Variants in TAP2 observed in about 807,000 individuals in gnomAD.
TAP2 encodes antigen peptide transporter 2.
A neutral mutation model predicts 74.7 loss-of-function variants in TAP2; 49 were observed. That is an observed-to-expected ratio of 0.66 (90% CI 0.52 to 0.83). TAP2 has a LOEUF of 0.83. Among genes scored for constraint, TAP2 ranks in the 40% least tolerant of loss-of-function variants. TAP2 has a pLI of 0.00. For synonymous variants in TAP2, 306 were observed against 368.4 expected (o/e 0.83, Z 1.94); for missense variants, 739 against 859.0 (o/e 0.86, Z 1.75).
At chr6:32,829,248 C>A in intron 11 of TAP2, 152 bp downstream of exon 11, 1 of 1,436,964 alleles carries the variant, frequency 7.0e-7, no homozygotes, top group South Asian at 1.3e-5. Flanking sequence ...GCTGCCCTCA[C>A]ACCACCGGAT....
chr6:32,835,790 T>C lies in TAP2; in HGVS notation c.609-17A>G. 3 of 1,612,354 alleles carry C rather than the reference T, an allele frequency of 1.9e-6. No homozygotes were observed. In the South Asian group the frequency reaches 3.3e-5, roughly 18 times the overall value. ...GACAGTGAGCTGTGGGGTAGGAGAA[T>C]AAGAGGGGAGGGAGATGCAGAGAAG... On this transcript the variant is annotated splice_polypyrimidine_tract_variant and intron_variant, in intron 3 of 11. Transcript: ENST00000374897. The surrounding 1 kb of genome is among the most constrained non-coding windows in gnomAD (Gnocchi z 4.0).
In TAP2 at chr6:32,827,583, G is replaced by T; in HGVS notation, c.*1323C>A. ...GCCTCCTGGAAGACCTGAACCCTGAGTTAAGTCTTGAACTTGAAAATCAGG... is the reference window on the plus strand; with the variant it reads ...GCCTCCTGGAAGACCTGAACCCTGATTTAAGTCTTGAACTTGAAAATCAGG... On this transcript the variant is annotated 3_prime_UTR_variant, in exon 12 of 12. Transcript: ENST00000374897. The T allele has an allele frequency of 2.3e-6, 1 of 427,210 alleles. No individual in the cohort carries two copies. Among genetic ancestry groups the T allele is most frequent in the Non-Finnish European group, 3.1e-6 (1 of 320,832 alleles). The allele number at this position is 427,210 out of a possible 1,614,324, so 26.5% of individuals were successfully genotyped here.
chr6:32,837,624 C>A lies in TAP2; in HGVS notation c.521G>T (p.Gly174Val). Residue 174 changes from glycine to valine, a missense_variant, in exon 3 of 12, where the codon GGT (glycine) becomes GTT (valine). By Grantham distance (109) the Gly-to-Val change is moderately radical. Coordinates refer to ENST00000374897, the MANE Select transcript of TAP2 (RefSeq NM_001290043.2). The part of the protein sequence containing the change: ...LGETLIPHYS[G>V]RVIDILGGDF... ...ACCTCCCAGGATGTCAATCACACGA[C>A]CAGAATAGTGAGGGATTAATGTCTC... 6.2e-7 allele frequency: 1 copy of A among 1,614,038 alleles called. No individual in the cohort carries two copies. The highest frequency in any genetic ancestry group is 8.5e-7 in the Non-Finnish European group (1 of 1,179,990).
At chr6:32,822,265 T>C, downstream of TAP2, 1 of 1,525,894 alleles carries the variant, frequency 6.6e-7, no homozygotes, top group Non-Finnish European at 9.0e-7. Context: ...GAACTCATTA[T>C]TCCCAGGAAA....
chr6:32,832,473 GAAGA>G lies in TAP2; in HGVS notation c.1144-16_1144-13del, dbSNP rs200922606. ...CCCAAGTGCAGCACCTGGAAGAGGA[GAAGA>G]AAGAGATGAGGCTGGGAATCTTCCC... On this transcript the variant is annotated splice_polypyrimidine_tract_variant and intron_variant, in intron 6 of 11. Coordinates refer to ENST00000374897, the MANE Select transcript of TAP2 (RefSeq NM_001290043.2). This position sits in a 1 kb window ranked among gnomAD's most constrained non-coding sequence, Gnocchi z 5.9. The G allele has an allele frequency of 3.4e-3, 5,541 of 1,612,142 alleles. 64 individuals carry two copies. Among genetic ancestry groups the G allele is most frequent in the African/African-American group, 0.029 (2,156 of 75,012 alleles).
chr6:32,828,675 G>GCGCCC lies in TAP2; in HGVS notation c.*230_*231insGGGCG. ...GAATTAAGTTTCCTGGACACAGACA[G>GCGCCC]CCCCCACCCCACCCCACCCCACCTC... On this transcript the variant is annotated 3_prime_UTR_variant, in exon 12 of 12. Transcript: ENST00000374897. 7 of 884,280 alleles carry GCGCCC rather than the reference G, an allele frequency of 7.9e-6. No homozygotes were observed. The highest frequency in any genetic ancestry group is 9.8e-5 in the East Asian group (1 of 10,252). 54.8% of individuals were successfully genotyped at this position (884,280 alleles called of 1,614,324 possible). A position where few individuals can be genotyped will look rare whatever the true frequency, so the allele number is the denominator to read the frequency against.
Position 32,832,978 on chromosome 6 carries a change from G to A in TAP2, c.946-154C>T, listed in dbSNP as rs9469282. ...ACTCTTCTTTCCAGAAGGAATAAGA[G>A]TGAAGGAGCAAGGGAACAAAATATT... On this transcript the variant is annotated intron_variant, in intron 5 of 11. Coordinates refer to ENST00000374897, the MANE Select transcript of TAP2 (RefSeq NM_001290043.2). The surrounding 1 kb of genome is among the most constrained non-coding windows in gnomAD (Gnocchi z 5.9). 6.6e-6 allele frequency among the ~76,000 whole-genome samples: 1 copy of A among 152,242 alleles called. No individual in the cohort carries two copies. The highest frequency in any genetic ancestry group is 2.4e-5 in the African/African-American group (1 of 41,460).
At chr6:32,830,940 A>G (rs1192440238) in intron 7 of TAP2, 134 bp from the exon 8 acceptor site, 1 of 859,706 alleles carries the variant, frequency 1.2e-6, no homozygotes. Context: ...CCACTTTTAA[A>G]TGTACAATTT....
Position 32,835,567 on chromosome 6 carries a change from G to A in TAP2, c.739+76C>T. On this transcript the variant is annotated intron_variant, in intron 4 of 11. Coordinates refer to ENST00000374897, the MANE Select transcript of TAP2 (RefSeq NM_001290043.2). The surrounding 1 kb of genome is among the most constrained non-coding windows in gnomAD (Gnocchi z 4.0). ...CCTGGCATACGGGTGAAGGCAGGAG[G>A]AGAGGCTGTGGGTGGAAGGTCACTG... 5 of 1,601,450 alleles carry A rather than the reference G, an allele frequency of 3.1e-6. No homozygotes were observed. In the South Asian group the frequency reaches 3.3e-5, roughly 11 times the overall value.
At chr6:32,834,468 T>C (rs974894847) in intron 5 of TAP2, among the ~76,000 whole-genome samples, 1 of 152,140 alleles carries the variant, frequency 6.6e-6, no homozygotes, top group East Asian at 1.9e-4. Context: ...ACAATGGAGG[T>C]TGCCAGCGGC....
intron 7 of TAP2, among the ~76,000 whole-genome samples, chr6:32,831,110 CG>C (rs966910628): frequency 6.6e-5 from 10 of 152,156 alleles, no homozygotes; most frequent in African/African-American, 2.4e-4. Context: ...CTTGATTAGA[CG>C]GGGAGCTCCT....
Position 32,826,419 on chromosome 6 carries a change from A to G in TAP2, c.*2487T>C. On this transcript the variant is annotated 3_prime_UTR_variant, in exon 12 of 12. Coordinates refer to ENST00000374897, the MANE Select transcript of TAP2 (RefSeq NM_001290043.2). ...AGGTAAGCGACAAGAAGGGGAAATT[A>G]CAGGGTAAGGAGATCAATCAAATGG... 1.0e-6 allele frequency: 1 copy of G among 985,290 alleles called. No homozygotes were observed. The highest frequency in any genetic ancestry group is 1.2e-6 in the Non-Finnish European group (1 of 829,936). The allele number at this position is 985,290 out of a possible 1,614,324, so 61.0% of individuals were successfully genotyped here.
Position 32,830,630 on chromosome 6 carries a change from C to T in TAP2, c.1449G>A (p.Arg483=). Residue 483 remains arginine, a synonymous_variant, in exon 8 of 12, where the codon AGG becomes AGA. Transcript: ENST00000374897. ...VSFAYPNRPD[R]PVLKGLTFTL... ...CTCTTTCAGGCACCTTGAGCACAGG[C>T]CTGTCAGGGCGATTGGGATATGCAA... The T allele has an allele frequency of 1.2e-6, 2 of 1,613,052 alleles. No individual in the cohort carries two copies. The highest frequency in any genetic ancestry group is 8.5e-7 in the Non-Finnish European group (1 of 1,180,024).
rs1330405233 is a variant in TAP2, at chr6:32,837,671, T to C, written c.494-20A>G. 3.1e-6 allele frequency: 5 copies of C among 1,613,940 alleles called. No homozygotes were observed. The highest frequency in any genetic ancestry group is 4.2e-6 in the Non-Finnish European group (5 of 1,179,962). ...TCTCACCTGAAAGAGGCATGAAAAATAACACAAGAATGTGCTGGTGCCCAG... is the reference window on the plus strand; with the variant it reads ...TCTCACCTGAAAGAGGCATGAAAAACAACACAAGAATGTGCTGGTGCCCAG... On this transcript the variant is annotated intron_variant, in intron 2 of 11. Coordinates refer to ENST00000374897, the MANE Select transcript of TAP2 (RefSeq NM_001290043.2).
Position 32,826,409 on chromosome 6 carries a change from A to C in TAP2, c.*2497T>G. The C allele has an allele frequency of 1.0e-6, 1 of 985,382 alleles. No individual in the cohort carries two copies. The highest frequency in any genetic ancestry group is 1.2e-6 in the Non-Finnish European group (1 of 829,926). 61.0% of individuals were successfully genotyped at this position (985,382 alleles called of 1,614,324 possible). On this transcript the variant is annotated 3_prime_UTR_variant, in exon 12 of 12. Transcript: ENST00000374897. The stretch of plus-strand genomic sequence containing the variant: ...AAGATACTGCAGGTAAGCGACAAGA[A>C]GGGGAAATTACAGGGTAAGGAGATC...
intron 11 of TAP2, 88 bp from the exon 12 acceptor site, chr6:32,829,122 A>G (rs188873298): frequency 1.6e-4 from 241 of 1,512,584 alleles, no homozygotes; most frequent in Admixed American, 9.9e-4. Context: ...ATTTAGGGTA[A>G]AGAAGGTGTG....
chr6:32,830,231 C>CCT (rs778690042), intron 9 of TAP2, 36 bp downstream of exon 9: 4 of 1,612,786 alleles, frequency 2.5e-6, no homozygotes, highest in Non-Finnish European at 3.4e-6. Context: ...TACATGCTCC[C>CCT]CTCTCCTGTC....
chr6:32,829,760 T>G lies in TAP2; in HGVS notation c.1795+170A>C, dbSNP rs241439. Among the ~76,000 whole-genome samples the G allele has an allele frequency of 0.38, 58,494 of 151,944 alleles. 11,532 individuals carry two copies. Among genetic ancestry groups the G allele is most frequent in the East Asian group, 0.53 (2,750 of 5,150 alleles). ...GCTCTCTGCAAACAAAGACTCTTGA[T>G]CAAGAGGGAGGCTGAAGAATTCAGT... On this transcript the variant is annotated intron_variant, in intron 10 of 11. Coordinates refer to ENST00000374897, the MANE Select transcript of TAP2 (RefSeq NM_001290043.2).
downstream of TAP2, among the ~76,000 whole-genome samples, chr6:32,824,617 CTT>C (rs1029618364): frequency 6.6e-5 from 10 of 152,090 alleles, no homozygotes; most frequent in South Asian, 2.1e-4. Context: ...CCTTGCATCA[CTT>C]ATATTAAATC....
Sources: gnomAD v4.1 joint callset for allele counts (sites outside exome capture counted in the v4.1 genomes callset) on GRCh38, gnomAD v4.1.1 for gene constraint, Gnocchi (gnomAD v3.1) non-coding constraint, MANE v1.5 for transcripts, NCBI Gene and HGNC (gene_info 2026-07-23, HGNC 2026-07-21) for gene names.